The following NXPH1 variants were observed in gnomAD, a reference collection of about 807,000 sequenced individuals.
The protein encoded by NXPH1 is neurexophilin-1.
In NXPH1, 5 loss-of-function variants were observed where a neutral mutation model predicts 23.7. That is an observed-to-expected ratio of 0.21 (90% CI 0.11 to 0.44). NXPH1 has a LOEUF of 0.44. Among genes scored for constraint, NXPH1 ranks in the 20% least tolerant of loss-of-function variants. The pLI, the probability that NXPH1 is intolerant of heterozygous loss-of-function variation, is 0.99. For synonymous variants in NXPH1, 144 were observed against 122.2 expected, an observed-to-expected ratio of 1.18 and a Z score of -1.18; for missense variants, 324 against 321.6, an observed-to-expected ratio of 1.01 and a Z score of -0.06.
intron 2 of NXPH1, among the ~76,000 whole-genome samples, chr7:8,462,519 C>T (rs1259395776): frequency 2.0e-5 from 3 of 152,124 alleles, no homozygotes; most frequent in African/African-American, 7.2e-5. Flanking sequence ...AATAGCTTCC[C>T]ACAGTCACTC....
chr7:8,689,159 G>A (rs59934255), intron 2 of NXPH1, among the ~76,000 whole-genome samples: 102 of 152,160 alleles, frequency 6.7e-4, no homozygotes, highest in African/African-American at 2.3e-3. Context: ...TCATATAGGA[G>A]GATAACCCAT....
intron 2 of NXPH1, among the ~76,000 whole-genome samples, chr7:8,518,045 A>G (rs1032615039): frequency 1.1e-4 from 16 of 152,304 alleles, no homozygotes; most frequent in South Asian, 1.0e-3. Context: ...TTTAGTAGCT[A>G]TATTTGTGAA....
At chr7:8,695,127 T>G (rs1248571840) in intron 2 of NXPH1, among the ~76,000 whole-genome samples, 1 of 152,222 alleles carries the variant, frequency 6.6e-6, no homozygotes, top group African/African-American at 2.4e-5. Context: ...TCTTCTATAT[T>G]AAATCTGGAA....
chr7:8,462,315 G>A (rs1178591265), intron 2 of NXPH1, among the ~76,000 whole-genome samples: 2 of 152,190 alleles, frequency 1.3e-5, no homozygotes, highest in Non-Finnish European at 2.9e-5. Context: ...CCAAAGTTCT[G>A]TCATTACAGG....
chr7:8,474,884 C>T (rs77269180), intron 2 of NXPH1, among the ~76,000 whole-genome samples: 4,110 of 152,220 alleles, frequency 0.027, 85 homozygotes, highest in South Asian at 0.042. Context: ...CATGAAGCTG[C>T]GGCCATGCTG....
rs776641459 is a variant in NXPH1 at position 8,435,675 on chromosome 7, CA to C, written c.-36del. 3.7e-6 allele frequency: 6 copies of C among 1,602,692 alleles called. No homozygotes were observed. Among genetic ancestry groups the C allele is most frequent in the Admixed American group, 1.7e-5 (1 of 60,010 alleles). On this transcript the variant is annotated 5_prime_UTR_variant, in exon 2 of 3. The change abolishes the stop of an existing upstream ORF in the 5' untranslated region. Transcript: ENST00000405863. This position sits in a 1 kb window ranked among gnomAD's most constrained non-coding sequence, Gnocchi z 5.9. Reference sequence around the variant, plus strand: ...CTATGTTTCTGAAGGAACAAAGACTCAAAGAAGGCACCGCCAAGGAAGTTTG... The same window carrying C: ...CTATGTTTCTGAAGGAACAAAGACTCAAGAAGGCACCGCCAAGGAAGTTTG...
chr7:8,468,728 G>A (rs1816823689), intron 2 of NXPH1, among the ~76,000 whole-genome samples: 1 of 151,976 alleles, frequency 6.6e-6, no homozygotes, highest in Non-Finnish European at 1.5e-5. Flanking sequence ...GATTGAAAAT[G>A]CTTTTTTTAT....
chr7:8,676,557 A>G (rs1217357762), intron 2 of NXPH1, among the ~76,000 whole-genome samples: 1 of 152,220 alleles, frequency 6.6e-6, no homozygotes, highest in Non-Finnish European at 1.5e-5. Context: ...ATGTGTGGAT[A>G]TATAGAGAAA....
In NXPH1 at chr7:8,748,007, T is replaced by C. The variant is rs115118953; in HGVS notation, c.55-3001T>C. ...AATCCTTTTGATGTGAGAGTAAATA[T>C]TTTTCCATAATGGAATGGCTTTATT... On this transcript the variant is annotated intron_variant, in intron 2 of 2. Transcript: ENST00000405863. Among the ~76,000 whole-genome samples the C allele has an allele frequency of 9.4e-3, 1,433 of 152,318 alleles. 21 individuals carry two copies. Among genetic ancestry groups the C allele is most frequent in the African/African-American group, 0.032 (1,322 of 41,560 alleles).
chr7:8,579,562 G>T (rs953653687), intron 2 of NXPH1, among the ~76,000 whole-genome samples: 1 of 151,996 alleles, frequency 6.6e-6, no homozygotes, highest in Admixed American at 6.6e-5. Context: ...AGCAGAGACG[G>T]GGTTTCTCCA....
chr7:8,723,108 T>C (rs145730072), intron 2 of NXPH1, among the ~76,000 whole-genome samples: 1,665 of 152,356 alleles, frequency 0.011, 11 homozygotes, highest in Non-Finnish European at 0.016. Flanking sequence ...ACCCATAAAA[T>C]TGTGTTTGCT....
intron 2 of NXPH1, among the ~76,000 whole-genome samples, chr7:8,539,240 T>G (rs984229131): frequency 6.6e-6 from 1 of 151,778 alleles, no homozygotes; most frequent in African/African-American, 2.4e-5. Context: ...AGCTAAGGGA[T>G]AATATCTAAG....
chr7:8,550,197 C>T (rs1398262890), intron 2 of NXPH1, among the ~76,000 whole-genome samples: 1 of 151,540 alleles, frequency 6.6e-6, no homozygotes, highest in African/African-American at 2.4e-5. Flanking sequence ...GAGAATGTGT[C>T]TGCCTAGTGA....
intron 2 of NXPH1, among the ~76,000 whole-genome samples, chr7:8,737,139 T>C (rs1780273930): frequency 6.6e-6 from 1 of 152,150 alleles, no homozygotes; most frequent in South Asian, 2.1e-4. Flanking sequence ...CATTTAAAGT[T>C]AATATTGTTG....
chr7:8,493,254 T>C (rs1484604638), intron 2 of NXPH1, among the ~76,000 whole-genome samples: 1 of 152,032 alleles, frequency 6.6e-6, no homozygotes, highest in African/African-American at 2.4e-5. Context: ...CTGCTAAGGC[T>C]CTGTACCAGC....
intron 2 of NXPH1, among the ~76,000 whole-genome samples, chr7:8,502,698 C>T (rs1416600284): frequency 6.6e-6 from 1 of 151,540 alleles, no homozygotes. Context: ...AATAGGTCTC[C>T]TGTACCCAGG....
At chr7:8,516,679 T>G (rs988918476) in intron 2 of NXPH1, among the ~76,000 whole-genome samples, 6 of 152,144 alleles carry the variant, frequency 3.9e-5, no homozygotes, top group African/African-American at 1.2e-4. Flanking sequence ...TTATATACTT[T>G]CAGTTATTAA....
At chr7:8,662,372 G>A (rs551674163) in intron 2 of NXPH1, among the ~76,000 whole-genome samples, 9 of 150,056 alleles carry the variant, frequency 6.0e-5, no homozygotes, top group African/African-American at 9.7e-5. Flanking sequence ...ATTTATTTCC[G>A]TTCATAAATG....
chr7:8,453,721 C>T (rs1336107601), intron 2 of NXPH1, among the ~76,000 whole-genome samples: 1 of 152,082 alleles, frequency 6.6e-6, no homozygotes, highest in Admixed American at 6.5e-5. Flanking sequence ...CGGCTTCCAG[C>T]TCTACCCATG....
Sources: allele counts gnomAD v4.1 joint callset (sites outside exome capture counted in the v4.1 genomes callset), GRCh38; gene constraint gnomAD v4.1.1; non-coding constraint Gnocchi (gnomAD v3.1); transcripts MANE v1.5; gene names NCBI Gene and HGNC (gene_info 2026-07-23, HGNC 2026-07-21).